The following PLA2R1 variants were observed in gnomAD, a reference collection of about 807,000 sequenced individuals.
PLA2R1 encodes the protein phospholipase A2 receptor 1.
Under a neutral mutation model 195.9 loss-of-function variants are expected in PLA2R1, and 158 were observed. The ratio of observed to expected loss-of-function variants is 0.81; its 90% CI spans 0.71 to 0.92. The LOEUF is 0.92. Among genes scored for constraint, PLA2R1 ranks in the 40% least tolerant of loss-of-function variants. The pLI, the probability that PLA2R1 is intolerant of heterozygous loss-of-function variation, is 0.00. For missense variants in PLA2R1, 1,626 were observed against 1,764.6 expected (o/e 0.92, Z 1.41); for synonymous variants, 586 against 598.2 (o/e 0.98, Z 0.30).
chr2:159,929,122 C>G (rs1041633701), downstream of PLA2R1, among the ~76,000 whole-genome samples: 1 of 152,120 alleles, frequency 6.6e-6, no homozygotes, highest in Non-Finnish European at 1.5e-5. Context: ...AACCCAAAAG[C>G]AAATGCAACA....
At chr2:160,046,924 A>G (rs1043664852) in intron 1 of PLA2R1, among the ~76,000 whole-genome samples, 4 of 152,162 alleles carry the variant, frequency 2.6e-5, no homozygotes, top group African/African-American at 9.7e-5. Flanking sequence ...GCCTGGGTAG[A>G]ATGTTTACCT....
At chr2:159,924,912 T>C in the PLA2R1 span, among the ~76,000 whole-genome samples, 2 of 152,132 alleles carry the variant, frequency 1.3e-5, no homozygotes, top group Admixed American at 1.3e-4. Context: ...GTACGTTCCA[T>C]TTCCAATCTG....
At position 160,040,029 on chromosome 2, in the gene PLA2R1, T is replaced by G. The variant is rs150081231; in HGVS notation, c.667+1996A>C. 2.6e-5 allele frequency among the ~76,000 whole-genome samples: 4 copies of G among 152,146 alleles called. No individual in the cohort carries two copies. The East Asian group carries it at 7.7e-4, about 29-fold the overall frequency. On this transcript the variant is annotated intron_variant, in intron 3 of 29. Coordinates refer to ENST00000283243, the MANE Select transcript of PLA2R1 (RefSeq NM_007366.5). Reference sequence around the variant, plus strand: ...TTAGTATTGGTTCATTTATTTGGTTTTAATAATGACCTCTATTGGGGATGG... The same window carrying G: ...TTAGTATTGGTTCATTTATTTGGTTGTAATAATGACCTCTATTGGGGATGG...
At chr2:160,036,059 T>G (rs1488125797) in intron 3 of PLA2R1, among the ~76,000 whole-genome samples, 1 of 152,180 alleles carries the variant, frequency 6.6e-6, no homozygotes, top group Non-Finnish European at 1.5e-5. Context: ...TCAAATTAAA[T>G]GTTGGAGGCC....
chr2:159,973,861 G>T (rs1325969242), intron 17 of PLA2R1, among the ~76,000 whole-genome samples: 2 of 152,050 alleles, frequency 1.3e-5, no homozygotes, highest in African/African-American at 4.8e-5. Flanking sequence ...TGACAATTTT[G>T]CCATATAAGG....
rs114997490 is a variant in PLA2R1 at position 159,984,172 on chromosome 2, T to C, written c.2038-99A>G. ...ACAGTAATATTAACATAATCATCAT[T>C]ATTATTTATAAAGAGCTTGATCTAG... On this transcript the variant is annotated intron_variant, in intron 12 of 29. Transcript: ENST00000283243. The C allele has an allele frequency of 5.0e-4, 289 of 578,626 alleles. 1 individual carries two copies. Among genetic ancestry groups the C allele is most frequent in the African/African-American group, 4.8e-3 (256 of 53,780 alleles). 35.8% of individuals were successfully genotyped at this position (578,626 alleles called of 1,614,324 possible). A position where few individuals can be genotyped will look rare whatever the true frequency, so the allele number is the denominator to read the frequency against.
intron 19 of PLA2R1, among the ~76,000 whole-genome samples, chr2:159,968,981 A>G (rs188321871): frequency 1.3e-5 from 2 of 152,312 alleles, no homozygotes; most frequent in East Asian, 1.9e-4. Context: ...TCAGGCATAT[A>G]TTTCTTTAAA....
At chr2:159,989,714 C>T (rs76901842) in intron 11 of PLA2R1, among the ~76,000 whole-genome samples, 5,173 of 152,006 alleles carry the variant, frequency 0.034, 104 homozygotes, top group East Asian at 0.053. Context: ...CTAAAAATAC[C>T]CCTGCAATGT....
At chr2:160,012,926 A>G (rs1020652662) in intron 10 of PLA2R1, among the ~76,000 whole-genome samples, 1 of 152,208 alleles carries the variant, frequency 6.6e-6, no homozygotes, top group Admixed American at 6.5e-5. Flanking sequence ...AAATGAAAAA[A>G]AATAAAATAA....
intron 13 of PLA2R1, 74 bp from the exon 14 acceptor site, chr2:159,979,988 C>T (rs1474033110): frequency 1.2e-6 from 1 of 831,160 alleles, no homozygotes; most frequent in African/African-American, 1.7e-5. Flanking sequence ...TCAAAAAATA[C>T]CAGCATGGCA....
At chr2:160,049,169 CT>C (rs36104901) in intron 1 of PLA2R1, among the ~76,000 whole-genome samples, 16,933 of 149,520 alleles carry the variant, frequency 0.11, 1,311 homozygotes, top group Admixed American at 0.28. Context: ...AATTTCTATC[CT>C]TTTTTTTTTA....
chr2:160,013,151 G>C (rs1692479111), intron 10 of PLA2R1, 112 bp downstream of exon 10: 1 of 479,832 alleles, frequency 2.1e-6, no homozygotes, highest in Admixed American at 3.6e-5. Flanking sequence ...TTAGTACTTT[G>C]ATGTATAGCA....
chr2:160,028,409 T>C (rs773907213), intron 5 of PLA2R1, 48 bp from the exon 6 acceptor site: 35 of 1,351,342 alleles, frequency 2.6e-5, no homozygotes, highest in Non-Finnish European at 3.5e-5. Context: ...AAGCAGTTAG[T>C]TTAATATATA....
intron 11 of PLA2R1, among the ~76,000 whole-genome samples, chr2:159,996,872 C>CT (rs1691249408): frequency 6.6e-6 from 1 of 152,032 alleles, no homozygotes; most frequent in South Asian, 2.1e-4. Context: ...TGTAGCATTT[C>CT]TTTTTGTTTT....
At chr2:160,005,586 A>C (rs182231141) in intron 11 of PLA2R1, 66 bp downstream of exon 11, 1 of 1,389,124 alleles carries the variant, frequency 7.2e-7, no homozygotes, top group East Asian at 2.3e-5. Context: ...GAGGTGGGCC[A>C]AGGGGTGGAA....
Position 160,005,829 on chromosome 2 carries a change from G to A in PLA2R1, c.1665-8C>T. On this transcript the variant is annotated splice_polypyrimidine_tract_variant and splice_region_variant and intron_variant, in intron 10 of 29. Coordinates refer to ENST00000283243, the MANE Select transcript of PLA2R1 (RefSeq NM_007366.5). The stretch of plus-strand genomic sequence containing the variant: ...ATAAAAGCCTGTTCAAACCTTAAAA[G>A]GGGAAAAAAGAAGTGGTTACATTAA... 3 of 1,596,462 alleles carry A rather than the reference G, an allele frequency of 1.9e-6. No homozygotes were observed. Among genetic ancestry groups the A allele is most frequent in the Non-Finnish European group, 1.7e-6 (2 of 1,166,496 alleles).
chr2:160,002,454 T>A (rs1403815313), intron 11 of PLA2R1, among the ~76,000 whole-genome samples: 1 of 151,996 alleles, frequency 6.6e-6, no homozygotes, highest in African/African-American at 2.4e-5. Flanking sequence ...CACTCTCCAA[T>A]TCATTCTATG....
In PLA2R1 at chr2:160,062,439, C is replaced by A. The variant is rs905600118; in HGVS notation, c.-36G>T. The stretch of plus-strand genomic sequence containing the variant: ...TGGGCTCTCCGGGAGCCCCTTGTCC[C>A]GGGAGCCCCTTATCCCGGGAGCCCA... On this transcript the variant is annotated 5_prime_UTR_variant, in exon 1 of 30. Coordinates refer to ENST00000283243, the MANE Select transcript of PLA2R1 (RefSeq NM_007366.5). 12 of 1,515,314 alleles carry A rather than the reference C, an allele frequency of 7.9e-6. No individual in the cohort carries two copies. The African/African-American group carries it at 1.3e-4, about 16-fold the overall frequency. The allele number at this position is 1,515,314 out of a possible 1,614,324, so 93.9% of individuals were successfully genotyped here.
At position 159,977,204 on chromosome 2, in the gene PLA2R1, G is replaced by A. The variant is rs569435193; in HGVS notation, c.2401+80C>T. The A allele has an allele frequency of 2.5e-4, 255 of 1,025,924 alleles. 1 individual carries two copies. In the South Asian group the frequency reaches 3.5e-3, roughly 14 times the overall value. The allele number at this position is 1,025,924 out of a possible 1,614,324, so 63.6% of individuals were successfully genotyped here. On this transcript the variant is annotated intron_variant, in intron 15 of 29. Coordinates refer to ENST00000283243, the MANE Select transcript of PLA2R1 (RefSeq NM_007366.5). ...TATCATGCAATTTGTTGATATTGTG[G>A]TTTGGGGTGTTTAAATTGGGAAAGT... is the stretch of plus-strand genomic sequence containing the variant.
Sources: gnomAD v4.1 joint callset for allele counts (sites outside exome capture counted in the v4.1 genomes callset) on GRCh38, gnomAD v4.1.1 for gene constraint, MANE v1.5 for transcripts, NCBI Gene and HGNC (gene_info 2026-07-23, HGNC 2026-07-21) for gene names.